The following KANK1 variants were observed in gnomAD, a reference collection of about 807,000 sequenced individuals.
The protein encoded by KANK1 is KN motif and ankyrin repeat domains 1.
In KANK1, 109 loss-of-function variants were observed where a neutral mutation model predicts 106.2. That is an observed-to-expected ratio of 1.03 (90% CI 0.88 to 1.20). KANK1 has a LOEUF of 1.20. Among genes scored for constraint, KANK1 ranks in the 50% most tolerant of loss-of-function variants. The pLI is 0.00. For synonymous variants in KANK1, 873 were observed against 652.2 expected (o/e 1.34, Z -5.16); for missense variants, 2,399 against 1,710.7 (o/e 1.40, Z -7.10).
Position 712,383 on chromosome 9 carries a change from G to C in KANK1, c.1617G>C (p.Gly539=), listed in dbSNP as rs145914693. 203 of 1,614,054 alleles carry C rather than the reference G, an allele frequency of 1.3e-4. No individual in the cohort carries two copies. Among genetic ancestry groups the C allele is most frequent in the Non-Finnish European group, 1.7e-4 (195 of 1,180,044 alleles). ...TGGACCTGGTGGACACGTGTGTTGG[G>C]ACCTCCGTGGAAACAAACAGTGTAG... ...SHMDLVDTCV[G]TSVETNSVGI... The change falls in exon 3 of 12, where the codon GGG becomes GGC. Residue 539 remains glycine, a synonymous_variant. Coordinates refer to ENST00000382297, the MANE Select transcript of KANK1 (RefSeq NM_015158.5).
chr9:499,238 T>C (rs1023630616), intron 3 of KANK1, among the ~76,000 whole-genome samples: 9 of 151,324 alleles, frequency 5.9e-5, no homozygotes, highest in Admixed American at 1.3e-4. Context: ...CATTCCTAGA[T>C]ACATACCTAA....
chr9:732,653 C>T, intron 6 of KANK1, 36 bp downstream of exon 6: 1 of 1,601,270 alleles, frequency 6.2e-7, no homozygotes, highest in Non-Finnish European at 8.5e-7. Context: ...TTGCCCCTCC[C>T]ACATTTAATG....
intron 1 of KANK1, among the ~76,000 whole-genome samples, chr9:652,769 G>A (rs773359289): frequency 2.0e-5 from 3 of 152,188 alleles, no homozygotes; most frequent in Non-Finnish European, 1.5e-5. Context: ...ACACCAAAGC[G>A]TTGATAGTAG....
intron 1 of KANK1, among the ~76,000 whole-genome samples, chr9:654,977 G>C (rs887121910): frequency 6.6e-6 from 1 of 152,164 alleles, no homozygotes; most frequent in African/African-American, 2.4e-5. Flanking sequence ...AAATGTAGCA[G>C]TTGGAATCTC....
chr9:559,515 C>T (rs1815812430), intron 1 of KANK1, among the ~76,000 whole-genome samples: 1 of 152,078 alleles, frequency 6.6e-6, no homozygotes, highest in African/African-American at 2.4e-5. Context: ...TATCTTGGGA[C>T]ACTTAAAAAA....
chr9:646,840 C>T (rs1470107307), intron 1 of KANK1, among the ~76,000 whole-genome samples: 1 of 148,080 alleles, frequency 6.8e-6, no homozygotes. Flanking sequence ...ACTACAGGTG[C>T]ATGCCACCAC....
chr9:471,019 T>G (rs2058009607), intron 2 of KANK1: 2 of 152,240 alleles, frequency 1.3e-5, no homozygotes. Context: ...GTTATTGTTT[T>G]GCAAGGAGCC....
intron 1 of KANK1, among the ~76,000 whole-genome samples, chr9:610,613 C>A (rs1325531666): frequency 6.6e-6 from 1 of 152,162 alleles, no homozygotes; most frequent in Non-Finnish European, 1.5e-5. Context: ...TGACTCTGAT[C>A]AAGACATGGC....
At chr9:637,572 T>C (rs115506983) in intron 1 of KANK1, among the ~76,000 whole-genome samples, 3,638 of 152,274 alleles carry the variant, frequency 0.024, 163 homozygotes, top group African/African-American at 0.084. Context: ...AGCCTGAGAA[T>C]TTGTATTTCT....
chr9:504,459 C>T (rs1241115978), upstream of KANK1, among the ~76,000 whole-genome samples: 1 of 151,670 alleles, frequency 6.6e-6, no homozygotes. Flanking sequence ...ACAAAGAGCG[C>T]CCCCGCGGGG....
At chr9:638,646 C>CT (rs1837679588) in intron 1 of KANK1, among the ~76,000 whole-genome samples, 2 of 152,180 alleles carry the variant, frequency 1.3e-5, no homozygotes, top group South Asian at 4.1e-4. Flanking sequence ...TCTGGGCAAA[C>CT]TTTGAGTTTC....
intron 1 of KANK1, among the ~76,000 whole-genome samples, chr9:548,679 T>C (rs1296203907): frequency 1.3e-5 from 2 of 152,232 alleles, no homozygotes; most frequent in Admixed American, 6.5e-5. Context: ...TGAAAGGATA[T>C]ACTAAAATGT....
intron 2 of KANK1, among the ~76,000 whole-genome samples, chr9:695,219 G>C (rs116793514): frequency 1.7e-3 from 260 of 152,222 alleles, no homozygotes; most frequent in African/African-American, 5.6e-3. Context: ...TTAAAGCACC[G>C]TCTTTGCACA....
intron 1 of KANK1, among the ~76,000 whole-genome samples, chr9:655,375 A>C (rs1180986127): frequency 3.6e-4 from 2 of 5,596 alleles, no homozygotes; most frequent in Admixed American, 2.6e-3. Flanking sequence ...CTGTCTAAAA[A>C]AAAAAAAAAA....
intron 1 of KANK1, among the ~76,000 whole-genome samples, chr9:671,615 C>CAAA (rs566979038): frequency 7.2e-5 from 4 of 55,758 alleles, no homozygotes; most frequent in East Asian, 6.0e-4. Flanking sequence ...AACTCCGTCT[C>CAAA]AAAAAAAAAA....
At position 488,513 on chromosome 9, in the gene KANK1, C is replaced by T. The variant is rs989897107; in HGVS notation, c.-362+15240C>T. 2.6e-5 allele frequency among the ~76,000 whole-genome samples: 4 copies of T among 152,144 alleles called. No homozygotes were observed. In the East Asian group the frequency reaches 5.8e-4, roughly 22 times the overall value. ...ATCTGGATTTGAACCTTGTTTCTGC[C>T]GTTTATGAGTTGTTTGAACTCGAAC... On this transcript the variant is annotated intron_variant, in intron 3 of 15. Transcript: ENST00000382303.
intron 3 of KANK1, among the ~76,000 whole-genome samples, chr9:717,769 C>T (rs906081595): frequency 5.9e-5 from 9 of 151,790 alleles, no homozygotes; most frequent in Non-Finnish European, 1.2e-4. Context: ...TTACTATTTT[C>T]TTCTAGAGAG....
At chr9:480,001 G>A (rs1163573982) in intron 3 of KANK1, among the ~76,000 whole-genome samples, 2 of 152,282 alleles carry the variant, frequency 1.3e-5, no homozygotes, top group Non-Finnish European at 1.5e-5. Flanking sequence ...TTCTCAGCAG[G>A]TTATAACAGG....
chr9:553,891 ATATAATT>A (rs955203536), intron 1 of KANK1, among the ~76,000 whole-genome samples: 8 of 152,238 alleles, frequency 5.3e-5, no homozygotes, highest in African/African-American at 1.9e-4. Context: ...ATTTAAAAAA[ATATAATT>A]TATAGCAGTG....
Sources: gnomAD v4.1 joint callset for allele counts (sites outside exome capture counted in the v4.1 genomes callset) on GRCh38, gnomAD v4.1.1 for gene constraint, MANE v1.5 for transcripts, NCBI Gene and HGNC (gene_info 2026-07-23, HGNC 2026-07-21) for gene names.